The following NAV1 variants were observed in gnomAD, a reference collection of about 807,000 sequenced individuals.
The protein encoded by NAV1 is pore membrane and/or filament interacting like protein 3.
A neutral mutation model predicts 175.2 loss-of-function variants in NAV1; 18 were observed. The observed-to-expected ratio is 0.10, with a 90% CI of 0.07 to 0.15. NAV1 has a LOEUF of 0.15. NAV1 is among the 10% of genes least tolerant of loss of function. The pLI is 1.00. For missense variants in NAV1, 1,731 were observed against 2,436.6 expected, an observed-to-expected ratio of 0.71 and a Z score of 6.10; for synonymous variants, 897 against 978.7, an observed-to-expected ratio of 0.92 and a Z score of 1.56.
At chr1:201,598,647 C>T (rs1189252848) in intron 2 of NAV1, among the ~76,000 whole-genome samples, 1 of 152,206 alleles carries the variant, frequency 6.6e-6, no homozygotes, top group African/African-American at 2.4e-5. Context: ...TGACCTTGGA[C>T]AATCTCTCAC....
In NAV1 at chr1:201,812,409, C is replaced by A; in HGVS notation, c.5025-56C>A. 6.4e-7 allele frequency: 1 copy of A among 1,551,150 alleles called. No individual in the cohort carries two copies. The highest frequency in any genetic ancestry group is 1.4e-5 in the African/African-American group (1 of 73,884). On this transcript the variant is annotated intron_variant, in intron 26 of 29. Coordinates refer to ENST00000367296, the Ensembl canonical transcript of NAV1. The surrounding 1 kb of genome is among the most constrained non-coding windows in gnomAD (Gnocchi z 4.6). Reference sequence around the variant, plus strand: ...GAGGGACAGACTGGCAGGGGCTGAACCCTGACAATGTCCCCATTGCCACTC... The same window carrying A: ...GAGGGACAGACTGGCAGGGGCTGAAACCTGACAATGTCCCCATTGCCACTC...
At chr1:201,804,591 A>G in intron 17 of NAV1, 94 bp downstream of exon 21, 1 of 1,154,392 alleles carries the variant, frequency 8.7e-7, no homozygotes, top group African/African-American at 1.6e-5. Context: ...AAAAAAAAAA[A>G]AAAAAAAAAA....
At chr1:201,772,858 C>A (rs1019486793) in intron 3 of NAV1, among the ~76,000 whole-genome samples, 1 of 151,880 alleles carries the variant, frequency 6.6e-6, no homozygotes, top group East Asian at 1.9e-4. Flanking sequence ...ACGGTGAAAC[C>A]CCGTCTCTAC....
chr1:201,786,381 G>T (rs2102729010), intron 8 of NAV1, 48 bp from the exon 13 acceptor site: 2 of 1,577,696 alleles, frequency 1.3e-6, no homozygotes, highest in South Asian at 2.4e-5. Flanking sequence ...CTAAACCTCT[G>T]ACCGCACTTG....
At chr1:201,692,413 T>C (rs150643695) in intron 1 of NAV1, among the ~76,000 whole-genome samples, 1 of 152,338 alleles carries the variant, frequency 6.6e-6, no homozygotes, top group Non-Finnish European at 1.5e-5. Context: ...TGTAGTTTTT[T>C]CAATGTGTGT....
At chr1:201,775,272 G>A (rs895299997) in intron 3 of NAV1, among the ~76,000 whole-genome samples, 4 of 152,182 alleles carry the variant, frequency 2.6e-5, no homozygotes, top group Non-Finnish European at 5.9e-5. Context: ...ACAAGGGAGA[G>A]GGGAATAAAT....
rs1190272357 is a variant in NAV1 at position 201,544,578 on chromosome 1, T to C, written c.-144+5236T>C. 2.0e-5 allele frequency among the ~76,000 whole-genome samples: 3 copies of C among 152,300 alleles called. No individual in the cohort carries two copies. The East Asian group carries it at 5.8e-4, about 29-fold the overall frequency. ...CTGCAACACTATGTTGAAATCATCT[T>C]ATTCTATATTTGGACAGCTCTGTCT... On this transcript the variant is annotated intron_variant, in intron 1 of 33. Transcript: ENST00000685211.
intron 1 of NAV1, among the ~76,000 whole-genome samples, chr1:201,697,605 C>A (rs556002166): frequency 2.0e-5 from 3 of 152,216 alleles, no homozygotes. Context: ...TGTGAAATGA[C>A]CTCTGAGGCT....
chr1:201,639,955 G>A (rs1030195093), intron 2 of NAV1, among the ~76,000 whole-genome samples: 2 of 152,160 alleles, frequency 1.3e-5, no homozygotes, highest in Admixed American at 6.5e-5. Flanking sequence ...CCCTGTTGGT[G>A]TAGAAATTTG....
intron 3 of NAV1, among the ~76,000 whole-genome samples, chr1:201,754,085 A>G (rs1439573127): frequency 1.3e-5 from 2 of 152,142 alleles, no homozygotes; most frequent in African/African-American, 2.4e-5. Context: ...AGACCCTAAG[A>G]TTCTCTAATC....
chr1:201,576,417 A>G (rs1379729842), intron 1 of NAV1, among the ~76,000 whole-genome samples: 1 of 152,162 alleles, frequency 6.6e-6, no homozygotes, highest in Non-Finnish European at 1.5e-5. Context: ...ATTGAAAGAC[A>G]TGGGTTGTCT....
At chr1:201,679,048 T>TG (rs556642635) in intron 1 of NAV1, among the ~76,000 whole-genome samples, 27 of 150,862 alleles carry the variant, frequency 1.8e-4, no homozygotes, top group Admixed American at 4.6e-4. Context: ...GGCTATTTAC[T>TG]GGGGGGGAGA....
intron 7 of NAV1, 143 bp from the exon 12 acceptor site, chr1:201,785,167 T>G: frequency 1.4e-6 from 1 of 719,124 alleles, no homozygotes; most frequent in Non-Finnish European, 2.2e-6. Context: ...TCTCTTGGTT[T>G]CTAGAGCTAA....
At chr1:201,715,901 A>G (rs1672121372) in intron 2 of NAV1, among the ~76,000 whole-genome samples, 1 of 152,308 alleles carries the variant, frequency 6.6e-6, no homozygotes, top group East Asian at 1.9e-4. Flanking sequence ...CCCCAGAGAA[A>G]GGCAAGCCTG....
At chr1:201,763,599 C>T (rs910453612) in intron 3 of NAV1, among the ~76,000 whole-genome samples, 1 of 152,200 alleles carries the variant, frequency 6.6e-6, no homozygotes, top group Non-Finnish European at 1.5e-5. Flanking sequence ...GTCAGCATTC[C>T]TCACCCACAG....
intron 2 of NAV1, among the ~76,000 whole-genome samples, chr1:201,715,356 CA>C (rs1485494498): frequency 6.6e-6 from 1 of 152,076 alleles, no homozygotes; most frequent in Non-Finnish European, 1.5e-5. Flanking sequence ...GATGGGGTTT[CA>C]CCATGTTGGC....
In NAV1 at chr1:201,740,064, AT is replaced by A; in HGVS notation, c.1226+21312del. ...CTGCCCAGATCCGGAAGAACGGTGA[AT>A]TTCCCCCGCAGGTAAGCGCCCCCAC... On this transcript the variant is annotated intron_variant, in intron 3 of 29. Coordinates refer to ENST00000367296, the Ensembl canonical transcript of NAV1. This position sits in a 1 kb window ranked among gnomAD's most constrained non-coding sequence, Gnocchi z 4.7. 2 of 1,496,010 alleles carry A rather than the reference AT, an allele frequency of 1.3e-6. No individual in the cohort carries two copies. The highest frequency in any genetic ancestry group is 1.8e-6 in the Non-Finnish European group (2 of 1,120,824). 92.7% of individuals were successfully genotyped at this position (1,496,010 alleles called of 1,614,324 possible).
Position 201,543,232 on chromosome 1 carries a change from C to T in NAV1, c.-144+3890C>T, listed in dbSNP as rs574555262. On this transcript the variant is annotated intron_variant, in intron 1 of 33. Transcript: ENST00000685211. ...TCTTAGGGGGATTTCTTGATTTTAG[C>T]CTTTCACCAGTGAGCGTGATGTTAG... 3.3e-5 allele frequency among the ~76,000 whole-genome samples: 5 copies of T among 152,252 alleles called. No homozygotes were observed. The South Asian group carries it at 1.0e-3, about 32-fold the overall frequency.
At chr1:201,629,496 T>TCTCCTG in exon 2 of NAV1, 1 of 1,303,786 alleles carries the variant, frequency 7.7e-7, no homozygotes, top group Non-Finnish European at 1.0e-6. Context: ...GAGGAGAGCT[T>TCTCCTG]CTCCTGCATG....
Sources: gnomAD v4.1 joint callset for allele counts (sites outside exome capture counted in the v4.1 genomes callset) on GRCh38, gnomAD v4.1.1 for gene constraint, Gnocchi (gnomAD v3.1) non-coding constraint, MANE v1.5 for transcripts, NCBI Gene and HGNC (gene_info 2026-07-23, HGNC 2026-07-21) for gene names.